KCMF1: variants seen among roughly 807,000 people sequenced by gnomAD.
KCMF1 encodes potassium channel modulatory factor 1.
A neutral mutation model predicts 41.1 loss-of-function variants in KCMF1; 3 were observed. The observed-to-expected ratio is 0.07, with a 90% CI of 0.03 to 0.19. The LOEUF is 0.19. Among genes scored for constraint, KCMF1 ranks in the 10% least tolerant of loss-of-function variants. KCMF1 has a pLI of 1.00. For missense variants in KCMF1, 286 were observed against 488.9 expected (o/e 0.58, Z 3.91); for synonymous variants, 142 against 164.5 (o/e 0.86, Z 1.04).
chr2:85,000,027 TAAAAA>T (rs55703502), intron 1 of KCMF1, among the ~76,000 whole-genome samples: 2 of 147,684 alleles, frequency 1.4e-5, no homozygotes, highest in Admixed American at 6.8e-5. Context: ...CAGGGGACAT[TAAAAA>T]AAAAAGAAAA....
At chr2:85,017,985 A>C (rs1290725131) in intron 1 of KCMF1, among the ~76,000 whole-genome samples, 1 of 152,218 alleles carries the variant, frequency 6.6e-6, no homozygotes, top group Non-Finnish European at 1.5e-5. Flanking sequence ...ACTGCTAAAT[A>C]CAAGATATAT....
At chr2:85,016,294 C>G (rs1674767031) in intron 1 of KCMF1, among the ~76,000 whole-genome samples, 1 of 151,994 alleles carries the variant, frequency 6.6e-6, no homozygotes, top group Non-Finnish European at 1.5e-5. Flanking sequence ...GTCTCGATAC[C>G]CCATTTCTCT....
chr2:85,012,925 A>T (rs1469007100), intron 1 of KCMF1, among the ~76,000 whole-genome samples: 1 of 152,188 alleles, frequency 6.6e-6, no homozygotes, highest in Non-Finnish European at 1.5e-5. Flanking sequence ...GTTTGTGGTG[A>T]GTTTTTGAGA....
intron 1 of KCMF1, among the ~76,000 whole-genome samples, chr2:84,976,289 C>T (rs1415009874): frequency 2.6e-5 from 4 of 151,596 alleles, no homozygotes; most frequent in Admixed American, 2.6e-4. Context: ...TCACTACATC[C>T]TCCACCTCCT....
At chr2:85,008,381 T>TATGA (rs369479422) in intron 1 of KCMF1, among the ~76,000 whole-genome samples, 2 of 19,034 alleles carry the variant, frequency 1.1e-4, no homozygotes, top group African/African-American at 2.1e-4. Flanking sequence ...ATATGATATA[T>TATGA]TATATATGAT....
In KCMF1 at chr2:85,018,310, C is replaced by T. The variant is rs1015911228; in HGVS notation, c.17-9579C>T. ...TTTTTGAGACGGAGTCCCGCTCTGT[C>T]ACCAGACTGGAGTGCAGTGCGCAAA... On this transcript the variant is annotated intron_variant, in intron 1 of 6. Coordinates refer to ENST00000409785, the MANE Select transcript of KCMF1 (RefSeq NM_020122.5). Among the ~76,000 whole-genome samples, 4 of 136,616 alleles carry T rather than the reference C, an allele frequency of 2.9e-5. No individual in the cohort carries two copies. The Admixed American group carries it at 3.4e-4, about 12-fold the overall frequency. The allele number at this position is 136,616 out of a possible 152,430, so 89.6% of individuals were successfully genotyped here.
chr2:84,987,921 T>A (rs1673943077), intron 1 of KCMF1, among the ~76,000 whole-genome samples: 1 of 152,126 alleles, frequency 6.6e-6, no homozygotes, highest in East Asian at 1.9e-4. Flanking sequence ...GTCTGTCTGC[T>A]TTAAAAATGT....
At chr2:85,020,441 T>C (rs1574028804) in intron 1 of KCMF1, among the ~76,000 whole-genome samples, 1 of 152,188 alleles carries the variant, frequency 6.6e-6, no homozygotes, top group South Asian at 2.1e-4. Flanking sequence ...TTTTTTGTTT[T>C]TATTTGAGAT....
intron 1 of KCMF1, among the ~76,000 whole-genome samples, chr2:85,007,043 G>C (rs975090554): frequency 1.4e-5 from 2 of 148,032 alleles, no homozygotes; most frequent in Non-Finnish European, 3.0e-5. Context: ...AGAGGTTGCA[G>C]TGAGTCGAGA....
At chr2:85,008,297 T>A (rs1674534568) in intron 1 of KCMF1, among the ~76,000 whole-genome samples, 1 of 85,882 alleles carries the variant, frequency 1.2e-5, no homozygotes, top group South Asian at 2.9e-4. Context: ...ATAATATATA[T>A]AATATATAAT....
chr2:84,991,300 C>A lies in KCMF1; in HGVS notation c.16+19833C>A, dbSNP rs114711287. 9.3e-3 allele frequency among the ~76,000 whole-genome samples: 1,410 copies of A among 152,200 alleles called. 17 individuals carry two copies. The highest frequency in any genetic ancestry group is 0.032 in the African/African-American group (1,324 of 41,488). On this transcript the variant is annotated intron_variant, in intron 1 of 6. Coordinates refer to ENST00000409785, the MANE Select transcript of KCMF1 (RefSeq NM_020122.5). ...ATTTTGGAGATGGAGGTCAAGAGTT[C>A]TGTTTCAGGCGTAAATTAGGGATGT...
At chr2:85,031,620 G>A (rs569188839) in intron 2 of KCMF1, among the ~76,000 whole-genome samples, 1 of 152,286 alleles carries the variant, frequency 6.6e-6, no homozygotes, top group African/African-American at 2.4e-5. Flanking sequence ...TGTTTGGTAG[G>A]TTAGGTGTAT....
chr2:85,003,201 C>T (rs1265996567), intron 1 of KCMF1, among the ~76,000 whole-genome samples: 4 of 152,118 alleles, frequency 2.6e-5, no homozygotes, highest in Admixed American at 1.3e-4. Context: ...TGGCCGGGCG[C>T]GGTGGCTCAC....
At chr2:85,043,699 G>T in intron 4 of KCMF1, 34 bp downstream of exon 4, 1 of 1,354,940 alleles carries the variant, frequency 7.4e-7, no homozygotes, top group African/African-American at 1.4e-5. Flanking sequence ...GAAAAGAGTT[G>T]TTTGTAATGT....
At chr2:84,997,712 G>A (rs79513434) in intron 1 of KCMF1, among the ~76,000 whole-genome samples, 4,833 of 151,280 alleles carry the variant, frequency 0.032, 105 homozygotes, top group South Asian at 0.062. Context: ...GGAGCACTTA[G>A]CAGTGCCTTG....
At chr2:85,038,203 A>T (rs1481290110) in intron 3 of KCMF1, among the ~76,000 whole-genome samples, 1 of 152,256 alleles carries the variant, frequency 6.6e-6, no homozygotes, top group Non-Finnish European at 1.5e-5. Context: ...TTTAATATGA[A>T]GTAATTCACA....
intron 5 of KCMF1, among the ~76,000 whole-genome samples, chr2:85,048,372 T>C (rs1207654720): frequency 6.6e-6 from 1 of 152,238 alleles, no homozygotes; most frequent in Non-Finnish European, 1.5e-5. Context: ...GAAATTTTCT[T>C]CATTTGATTT....
chr2:85,052,008 A>G (rs1343762987), intron 6 of KCMF1, among the ~76,000 whole-genome samples: 1 of 152,214 alleles, frequency 6.6e-6, no homozygotes, highest in African/African-American at 2.4e-5. Flanking sequence ...TGGTAAGGTC[A>G]CAGTTTCTTT....
intron 2 of KCMF1, among the ~76,000 whole-genome samples, chr2:85,028,913 A>T (rs891341227): frequency 2.0e-5 from 3 of 152,216 alleles, no homozygotes; most frequent in Admixed American, 1.3e-4. Context: ...AGTAAAGAAG[A>T]AATATGCTCT....
Sources: gnomAD v4.1 joint callset for allele counts (sites outside exome capture counted in the v4.1 genomes callset) on GRCh38, gnomAD v4.1.1 for gene constraint, MANE v1.5 for transcripts, NCBI Gene and HGNC (gene_info 2026-07-23, HGNC 2026-07-21) for gene names.